ADAM10: variants seen among roughly 807,000 people sequenced by gnomAD.
ADAM10 encodes the protein disintegrin and metalloproteinase domain-containing protein 10.
A neutral mutation model predicts 90.1 loss-of-function variants in ADAM10; 17 were observed. The observed-to-expected ratio is 0.19, with a 90% CI of 0.13 to 0.28. The LOEUF (loss-of-function observed/expected upper bound fraction) is 0.28, where lower values mean the gene tolerates loss of function less well. ADAM10 is among the 10% of genes least tolerant of loss of function. ADAM10 has a pLI of 1.00. For synonymous variants in ADAM10, 310 were observed against 298.6 expected, an observed-to-expected ratio of 1.04 and a Z score of -0.40; for missense variants, 610 against 914.3, an observed-to-expected ratio of 0.67 and a Z score of 4.29.
intron 1 of ADAM10, among the ~76,000 whole-genome samples, chr15:58,725,752 T>C (rs1162817169): frequency 1.3e-5 from 2 of 151,724 alleles, no homozygotes; most frequent in Non-Finnish European, 2.9e-5. Flanking sequence ...CAGAAGAAAA[T>C]GCAGCCACAT....
intron 6 of ADAM10, 131 bp from the exon 7 acceptor site, chr15:58,644,109 C>T (rs1263210076): frequency 2.9e-6 from 2 of 696,184 alleles, no homozygotes; most frequent in Non-Finnish European, 5.0e-6. Flanking sequence ...ACATTATATA[C>T]TGGACATAAA....
Position 58,682,319 on chromosome 15 carries a change from A to T in ADAM10, c.207-5T>A. 6.2e-7 allele frequency: 1 copy of T among 1,610,866 alleles called. No individual in the cohort carries two copies. Among genetic ancestry groups the T allele is most frequent in the Non-Finnish European group, 8.5e-7 (1 of 1,178,784 alleles). ...TTCATTCGTAGGTTGAAATGTCTGT[A>T]AAATGGGATGGGAAGGGGGAACAAC... On this transcript the variant is annotated splice_region_variant and splice_polypyrimidine_tract_variant and intron_variant, in intron 2 of 15. Transcript: ENST00000260408.
intron 6 of ADAM10, among the ~76,000 whole-genome samples, chr15:58,644,220 T>A (rs1176180141): frequency 1.3e-5 from 2 of 151,480 alleles, no homozygotes; most frequent in Admixed American, 1.3e-4. Context: ...TGCGGTTTTT[T>A]TTTTTCTTTT....
chr15:58,694,280 G>A (rs1024614494), intron 2 of ADAM10, among the ~76,000 whole-genome samples: 5 of 152,088 alleles, frequency 3.3e-5, no homozygotes, highest in African/African-American at 7.2e-5. Context: ...TTGAAACCCC[G>A]TCTGTACTAA....
At chr15:58,697,982 C>A (rs1898023551) in intron 2 of ADAM10, among the ~76,000 whole-genome samples, 1 of 152,122 alleles carries the variant, frequency 6.6e-6, no homozygotes, top group East Asian at 1.9e-4. Context: ...TGCCAAAATG[C>A]CCTACCCAAT....
chr15:58,657,891 T>G (rs1002983216), intron 5 of ADAM10, among the ~76,000 whole-genome samples: 45 of 151,712 alleles, frequency 3.0e-4, no homozygotes, highest in African/African-American at 1.1e-3. Flanking sequence ...GGTTTGTGTT[T>G]TTTTTTTTTT....
Position 58,643,877 on chromosome 15 carries a change from G to C in ADAM10, c.828+9C>G. On this transcript the variant is annotated intron_variant, in intron 7 of 15. Transcript: ENST00000260408. ...TTTTTAAGTGTTTTTAACTATTTAA[G>C]TTCCTTACTCTTATGCGTTTCACCA... The C allele has an allele frequency of 6.3e-7, 1 of 1,596,664 alleles. No individual in the cohort carries two copies. Among genetic ancestry groups the C allele is most frequent in the South Asian group, 1.1e-5 (1 of 90,720 alleles).
chr15:58,687,810 T>C (rs866201925), intron 2 of ADAM10, among the ~76,000 whole-genome samples: 2 of 152,184 alleles, frequency 1.3e-5, no homozygotes, highest in South Asian at 4.1e-4. Context: ...TCAAAGATAC[T>C]ACTTGCATAA....
intron 1 of ADAM10, among the ~76,000 whole-genome samples, chr15:58,736,619 T>G (rs763326248): frequency 6.6e-6 from 1 of 151,980 alleles, no homozygotes; most frequent in Non-Finnish European, 1.5e-5. Flanking sequence ...AAATAATATA[T>G]TATTAAAAAG....
In ADAM10 at chr15:58,661,082, C is replaced by T. The variant is rs937695666; in HGVS notation, c.585+4015G>A. On this transcript the variant is annotated intron_variant, in intron 5 of 15. Coordinates refer to ENST00000260408, the MANE Select transcript of ADAM10 (RefSeq NM_001110.4). ...CTTCACAAATTGTTTAAGAAACATA[C>T]TTCTATTCTTCTTTCTCTTGTCCTT... 2.4e-4 allele frequency among the ~76,000 whole-genome samples: 36 copies of T among 152,240 alleles called. 1 individual carries two copies. The highest frequency in any genetic ancestry group is 1.2e-3 in the Admixed American group (18 of 15,292).
chr15:58,678,181 T>A (rs1235452960), intron 4 of ADAM10, among the ~76,000 whole-genome samples: 2 of 152,172 alleles, frequency 1.3e-5, no homozygotes, highest in Non-Finnish European at 2.9e-5. Context: ...CATAAATGCA[T>A]CCTACCTAGT....
rs574618509 is a variant in ADAM10, at chr15:58,595,049, T to C, written c.*2498A>G. On this transcript the variant is annotated 3_prime_UTR_variant, in exon 16 of 16. Coordinates refer to ENST00000260408, the MANE Select transcript of ADAM10 (RefSeq NM_001110.4). ...CTCAAAATTTTAAACAAACTTATCATTAAACTAGGCTTTTTAAAATAAATG... is the reference window on the plus strand; with the variant it reads ...CTCAAAATTTTAAACAAACTTATCACTAAACTAGGCTTTTTAAAATAAATG... 6.6e-6 allele frequency: 1 copy of C among 152,238 alleles called. No individual in the cohort carries two copies. Among genetic ancestry groups the C allele is most frequent in the South Asian group, 2.1e-4 (1 of 4,824 alleles). 9.4% of individuals were successfully genotyped at this position (152,238 alleles called of 1,614,324 possible).
intron 9 of ADAM10, among the ~76,000 whole-genome samples, chr15:58,632,977 T>G (rs1471647441): frequency 6.6e-6 from 1 of 152,216 alleles, no homozygotes; most frequent in Non-Finnish European, 1.5e-5. Context: ...ATCCCTTGCC[T>G]TCACAGAATT....
chr15:58,599,647 A>C lies in ADAM10; in HGVS notation c.2103T>G (p.Val701=). 5 of 1,613,548 alleles carry C rather than the reference A, an allele frequency of 3.1e-6. No individual in the cohort carries two copies. The highest frequency in any genetic ancestry group is 4.2e-6 in the Non-Finnish European group (5 of 1,179,670). ...ACTTTGGATTACTACTTGGAGTATG[A>C]ACACTGCATATCTTAATAAATCCAG... ...LMAGFIKICS[V]HTPSSNPKLP... The change falls in exon 15 of 16, where the codon GTT becomes GTG. Residue 701 remains valine, a synonymous_variant. Coordinates refer to ENST00000260408, the MANE Select transcript of ADAM10 (RefSeq NM_001110.4).
At chr15:58,707,382 T>C (rs1344559819) in intron 2 of ADAM10, 2 of 139,404 alleles carry the variant, frequency 1.4e-5, no homozygotes, top group East Asian at 4.0e-4. Flanking sequence ...AGACTCCATC[T>C]AAAAAAAAAA....
At chr15:58,603,788 T>C (rs1252740989) in intron 14 of ADAM10, among the ~76,000 whole-genome samples, 29 of 151,384 alleles carry the variant, frequency 1.9e-4, no homozygotes. Flanking sequence ...GATTCCACCT[T>C]TTTAAAAAGT....
At chr15:58,749,062 G>T in intron 1 of ADAM10, 2 of 398,940 alleles carry the variant, frequency 5.0e-6, no homozygotes, top group South Asian at 1.3e-4. Flanking sequence ...TGAGCAGGAT[G>T]AGCGCTGAAC....
intron 11 of ADAM10, among the ~76,000 whole-genome samples, chr15:58,616,440 A>T (rs1306687601): frequency 5.9e-5 from 9 of 152,234 alleles, no homozygotes; most frequent in African/African-American, 1.7e-4. Context: ...ATCTCTTCTG[A>T]ACACAACAGA....
chr15:58,628,350 GA>G (rs1239882220), intron 9 of ADAM10, among the ~76,000 whole-genome samples: 1 of 152,074 alleles, frequency 6.6e-6, no homozygotes, highest in African/African-American at 2.4e-5. Context: ...AGGAATCTAA[GA>G]CAGCTAACTT....
Sources: gnomAD v4.1 joint callset for allele counts (sites outside exome capture counted in the v4.1 genomes callset) on GRCh38, gnomAD v4.1.1 for gene constraint, MANE v1.5 for transcripts, NCBI Gene and HGNC (gene_info 2026-07-23, HGNC 2026-07-21) for gene names.